PIN4: variants seen among roughly 807,000 people sequenced by gnomAD.
PIN4 encodes the protein peptidyl-prolyl cis-trans isomerase NIMA-interacting 4.
Under a neutral mutation model 8.3 loss-of-function variants are expected in PIN4, and 3 were observed. That is an observed-to-expected ratio of 0.36 (90% CI 0.16 to 0.93). The LOEUF is 0.93. PIN4 is among the 40% of genes least tolerant of loss of function. The pLI is 0.44. For synonymous variants in PIN4, 18 were observed against 32.5 expected (o/e 0.55, Z 1.52); for missense variants, 75 against 100.6 (o/e 0.75, Z 1.09).
chrX:72,223,401 G>A (rs762823124), intron 3 of PIN4, among the ~76,000 whole-genome samples: 38 of 105,126 alleles, frequency 3.6e-4, no homozygotes, highest in African/African-American at 1.2e-3. Context: ...TCCTAAATGC[G>A]GCCTTTGGAG....
rs147115061 is a variant in PIN4, at chrX:72,183,685, T to C, written c.43+1857T>C. ...CTTGGAAAGTTTTAATTGAAAAGCA[T>C]GGAAATGGGATGGTAGATAGAGAAG... is the stretch of plus-strand genomic sequence containing the variant. On this transcript the variant is annotated intron_variant, in intron 1 of 3. Coordinates refer to ENST00000373669, the MANE Select transcript of PIN4 (RefSeq NM_006223.4). 4.3e-3 allele frequency among the ~76,000 whole-genome samples: 478 copies of C among 111,977 alleles called. 1 individual carries two copies. The highest frequency in any genetic ancestry group is 0.015 in the African/African-American group (455 of 30,839).
chrX:72,230,988 G>A (rs1271383945), intron 3 of PIN4, among the ~76,000 whole-genome samples: 2 of 111,674 alleles, frequency 1.8e-5, no homozygotes, highest in African/African-American at 6.5e-5. Flanking sequence ...ACATACATAA[G>A]TATGGCCATT....
intron 3 of PIN4, among the ~76,000 whole-genome samples, chrX:72,225,615 G>T (rs1365661607): frequency 8.9e-6 from 1 of 111,981 alleles, no homozygotes; most frequent in Non-Finnish European, 1.9e-5. Flanking sequence ...CCTCGGATTA[G>T]TGGGATATTT....
At chrX:72,208,479 G>C in intron 3 of PIN4, 2 of 1,211,653 alleles carry the variant, frequency 1.7e-6, no homozygotes, top group Non-Finnish European at 2.2e-6. Flanking sequence ...GGTGCTCAAA[G>C]AGTTGGTTGT....
At chrX:72,212,809 G>GTGGC (rs1399996837) in intron 3 of PIN4, among the ~76,000 whole-genome samples, 1 of 111,312 alleles carries the variant, frequency 9.0e-6, no homozygotes, top group Non-Finnish European at 1.9e-5. Flanking sequence ...GCCGGGTTTG[G>GTGGC]TGGCATGCGC....
At chrX:72,238,652 G>A (rs1481830004) in intron 3 of PIN4, among the ~76,000 whole-genome samples, 8 of 112,615 alleles carry the variant, frequency 7.1e-5, no homozygotes. Context: ...AGGCATCGGG[G>A]TCTCCTCAGG....
At chrX:72,197,310 A>G (rs1427127048) in intron 3 of PIN4, 58 bp from the exon 4 acceptor site, 2 of 1,078,755 alleles carry the variant, frequency 1.9e-6, no homozygotes, top group South Asian at 2.0e-5. Context: ...CTCAAGCTAC[A>G]GTAGAACTGT....
intron 3 of PIN4, chrX:72,206,812 G>A: frequency 8.3e-7 from 1 of 1,210,963 alleles, no homozygotes; most frequent in East Asian, 3.0e-5. Context: ...TTTTATATCA[G>A]ATTTCCTCTG....
intron 3 of PIN4, among the ~76,000 whole-genome samples, chrX:72,241,672 C>T (rs1459517954): frequency 1.8e-5 from 2 of 111,211 alleles, no homozygotes; most frequent in African/African-American, 3.3e-5. Context: ...CAAAATTAGC[C>T]GGGCATGGTG....
intron 3 of PIN4, among the ~76,000 whole-genome samples, chrX:72,260,345 G>T (rs1304141537): frequency 8.9e-6 from 1 of 112,483 alleles, no homozygotes; most frequent in Non-Finnish European, 1.9e-5. Context: ...GGAGCTGAAG[G>T]CCCAACTTTC....
chrX:72,188,908 G>A (rs1394706793), intron 2 of PIN4, among the ~76,000 whole-genome samples: 3 of 112,049 alleles, frequency 2.7e-5, no homozygotes, highest in Non-Finnish European at 5.6e-5. Flanking sequence ...ATGGAAAGGA[G>A]TGGCACGTTA....
At chrX:72,221,307 C>T (rs1022902164) in intron 3 of PIN4, among the ~76,000 whole-genome samples, 4 of 112,055 alleles carry the variant, frequency 3.6e-5, no homozygotes, top group Non-Finnish European at 7.5e-5. Context: ...GGCTTTCTCA[C>T]GGTACCAGGA....
Position 72,196,809 on chromosome X carries a change from C to T in PIN4, c.142C>T (p.His48Tyr). ...GGTCAGACACATTCTATGTGAAAAACATGGCAAAATCATGGAAGCCATGGA... is the reference window on the plus strand; with the variant it reads ...GGTCAGACACATTCTATGTGAAAAATATGGCAAAATCATGGAAGCCATGGA... ...VKVRHILCEK[H>Y]GKIMEAMEKL... The change falls in exon 3 of 4, where the codon CAT becomes TAT. Residue 48 changes from histidine to tyrosine, a missense_variant. Transcript: ENST00000373669. The T allele has an allele frequency of 8.3e-7, 1 of 1,203,197 alleles. No individual in the cohort carries two copies. The highest frequency in any genetic ancestry group is 1.1e-6 in the Non-Finnish European group (1 of 890,314).
At chrX:72,193,204 G>A (rs778014473) in intron 2 of PIN4, among the ~76,000 whole-genome samples, 1 of 111,498 alleles carries the variant, frequency 9.0e-6, no homozygotes, top group Non-Finnish European at 1.9e-5. Context: ...AATGGTGGAC[G>A]GTATCCCCTA....
At position 72,261,306 on chromosome X, in the gene PIN4, A is replaced by AC. The variant is rs2043138981; in HGVS notation, c.313-1401_313-1400insC. The stretch of plus-strand genomic sequence containing the variant: ...GGAGACTCCGTCTCAGAAAAAAAAA[A>AC]AAAAAAAAACCAAAATCTGGGTGTC... On this transcript the variant is annotated intron_variant, in intron 3 of 3. Coordinates refer to the PIN4 transcript ENST00000423432. Among the ~76,000 whole-genome samples the AC allele has an allele frequency of 6.4e-5, 7 of 109,132 alleles. No individual in the cohort carries two copies. The South Asian group carries it at 2.4e-3, about 38-fold the overall frequency. 94.8% of individuals were successfully genotyped at this position (109,132 alleles called of 115,157 possible).
chrX:72,191,386 A>C (rs759436383), intron 2 of PIN4, among the ~76,000 whole-genome samples: 14 of 110,425 alleles, frequency 1.3e-4, no homozygotes, highest in African/African-American at 3.3e-4. Flanking sequence ...CCTTGTCTCT[A>C]CTGAAAATAC....
At chrX:72,214,297 TTCAG>T (rs756901177) in intron 3 of PIN4, among the ~76,000 whole-genome samples, 91 of 112,301 alleles carry the variant, frequency 8.1e-4, no homozygotes, top group Non-Finnish European at 1.4e-3. Flanking sequence ...TGGTTCACAT[TTCAG>T]TCAAACAATA....
chrX:72,197,774 T>C lies in PIN4; in HGVS notation c.*248T>C, dbSNP rs1025731243. 55 of 868,801 alleles carry C rather than the reference T, an allele frequency of 6.3e-5. 1 individual carries two copies. Among genetic ancestry groups the C allele is most frequent in the Non-Finnish European group, 7.6e-5 (54 of 709,731 alleles). The allele number at this position is 868,801 out of a possible 1,213,427, so 71.6% of individuals were successfully genotyped here. A position where few individuals can be genotyped will look rare whatever the true frequency, so the allele number is the denominator to read the frequency against. ...AAAGAGAAGTCAAGCAGACTCCCTTTAACCTGTATTCTCTTTCCTCCCAGA... is the reference window on the plus strand; with the variant it reads ...AAAGAGAAGTCAAGCAGACTCCCTTCAACCTGTATTCTCTTTCCTCCCAGA... On this transcript the variant is annotated 3_prime_UTR_variant, in exon 4 of 4. Coordinates refer to ENST00000373669, the MANE Select transcript of PIN4 (RefSeq NM_006223.4).
At chrX:72,211,942 G>C (rs1168215252) in intron 3 of PIN4, among the ~76,000 whole-genome samples, 2 of 111,336 alleles carry the variant, frequency 1.8e-5, no homozygotes, top group African/African-American at 6.5e-5. Context: ...CCCACCTAAA[G>C]GTCTCTCTAT....
Sources: allele counts gnomAD v4.1 joint callset (sites outside exome capture counted in the v4.1 genomes callset), GRCh38; gene constraint gnomAD v4.1.1; transcripts MANE v1.5; gene names NCBI Gene and HGNC (gene_info 2026-07-23, HGNC 2026-07-21).